The following ATP9B variants were observed in gnomAD, a reference collection of about 807,000 sequenced individuals.
ATP9B encodes the protein probable phospholipid-transporting ATPase IIB.
Under a neutral mutation model 146.1 loss-of-function variants are expected in ATP9B, and 110 were observed. The observed-to-expected ratio is 0.75, with a 90% CI of 0.65 to 0.88. The LOEUF (loss-of-function observed/expected upper bound fraction) is 0.88. ATP9B is among the 40% of genes least tolerant of loss of function. The pLI is 0.00. For missense variants in ATP9B, 1,499 were observed against 1,496.4 expected, an observed-to-expected ratio of 1.00 and a Z score of -0.03; for synonymous variants, 604 against 569.7, an observed-to-expected ratio of 1.06 and a Z score of -0.86.
chr18:79,112,194 C>T (rs752102036), intron 3 of ATP9B, among the ~76,000 whole-genome samples: 1 of 152,106 alleles, frequency 6.6e-6, no homozygotes, highest in Non-Finnish European at 1.5e-5. Flanking sequence ...AACCCATTGC[C>T]CTGCTTGGTG....
At chr18:79,291,648 G>C (rs1295354245) in intron 13 of ATP9B, among the ~76,000 whole-genome samples, 2 of 152,204 alleles carry the variant, frequency 1.3e-5, no homozygotes, top group Non-Finnish European at 1.5e-5. Flanking sequence ...TATTCACATG[G>C]ACAGAATAAC....
chr18:79,172,440 CGTAG>C (rs1414155853), intron 7 of ATP9B, among the ~76,000 whole-genome samples: 15 of 72,476 alleles, frequency 2.1e-4, no homozygotes, highest in African/African-American at 1.6e-3. Context: ...TGATTACAGG[CGTAG>C]CCACCGTGCC....
At chr18:79,187,290 G>A (rs1368544876) in intron 8 of ATP9B, among the ~76,000 whole-genome samples, 2 of 152,196 alleles carry the variant, frequency 1.3e-5, no homozygotes, top group Non-Finnish European at 2.9e-5. Flanking sequence ...AGTAGCCCAG[G>A]TGGGTGGTCA....
At chr18:79,251,031 T>C (rs2096017634) in intron 11 of ATP9B, among the ~76,000 whole-genome samples, 1 of 152,256 alleles carries the variant, frequency 6.6e-6, no homozygotes, top group African/African-American at 2.4e-5. Flanking sequence ...TCTGTGTTGC[T>C]GTATTGCAAC....
intron 26 of ATP9B, among the ~76,000 whole-genome samples, chr18:79,370,820 C>G (rs1013609980): frequency 2.6e-5 from 4 of 152,170 alleles, no homozygotes; most frequent in Non-Finnish European, 5.9e-5. Context: ...AATCATTGAC[C>G]TACATGAATA....
intron 25 of ATP9B, 74 bp downstream of exon 25, chr18:79,348,270 CAAAAA>C (rs2096902909): frequency 4.0e-4 from 324 of 809,454 alleles, no homozygotes; most frequent in South Asian, 2.4e-3. Context: ...AAAAAAAAAA[CAAAAA>C]ACGTATATAG....
In ATP9B at chr18:79,292,746, GTTTGT is replaced by G. The variant is rs546454521; in HGVS notation, c.1412-10834_1412-10830del. ...GTGGGTGAAAGATGTGAGGTTAGGGGTTTGTTTTGTTTTGTTTTGTTTTGTTTTTG... is the reference window on the plus strand; with the variant it reads ...GTGGGTGAAAGATGTGAGGTTAGGGGTTTGTTTTGTTTTGTTTTGTTTTTG... On this transcript the variant is annotated intron_variant, in intron 13 of 29. Coordinates refer to ENST00000426216, the MANE Select transcript of ATP9B (RefSeq NM_198531.5). Among the ~76,000 whole-genome samples, 1,023 of 152,000 alleles carry G rather than the reference GTTTGT, an allele frequency of 6.7e-3. 7 individuals are homozygous for G. Among genetic ancestry groups the G allele is most frequent in the African/African-American group, 0.023 (946 of 41,444 alleles).
intron 1 of ATP9B, among the ~76,000 whole-genome samples, chr18:79,070,309 A>AT (rs1438246804): frequency 2.6e-5 from 4 of 152,214 alleles, no homozygotes; most frequent in African/African-American, 9.7e-5. Flanking sequence ...TTTTTGAATA[A>AT]TTTTTGTTTT....
rs565143981 is a variant in ATP9B, at chr18:79,083,245, C to T, written c.120-13231C>T. On this transcript the variant is annotated intron_variant, in intron 1 of 29. Coordinates refer to ENST00000426216, the MANE Select transcript of ATP9B (RefSeq NM_198531.5). ...CTACTCAAGCCACAGTAATGGCAGA[C>T]GCCCCTTGCCCCACCAAGCTTGGGC... 4.6e-5 allele frequency among the ~76,000 whole-genome samples: 7 copies of T among 152,330 alleles called. No individual in the cohort carries two copies. The South Asian group carries it at 8.3e-4, about 18-fold the overall frequency.
At chr18:79,296,463 G>A (rs951214777) in intron 13 of ATP9B, among the ~76,000 whole-genome samples, 9 of 152,162 alleles carry the variant, frequency 5.9e-5, no homozygotes, top group Admixed American at 5.9e-4. Flanking sequence ...AGAATCCTAC[G>A]CTAGCTGCAC....
At chr18:79,203,575 A>G (rs73971514) in intron 9 of ATP9B, among the ~76,000 whole-genome samples, 2 of 152,194 alleles carry the variant, frequency 1.3e-5, no homozygotes, top group African/African-American at 2.4e-5. Context: ...TTCATTGCCT[A>G]TTCTGTGCTA....
intron 1 of ATP9B, among the ~76,000 whole-genome samples, chr18:79,071,849 T>C (rs1599288057): frequency 6.6e-6 from 1 of 151,922 alleles, no homozygotes; most frequent in East Asian, 1.9e-4. Context: ...AATTATGATG[T>C]GTCTTATCAT....
intron 13 of ATP9B, among the ~76,000 whole-genome samples, chr18:79,287,949 A>C (rs1194105421): frequency 6.6e-6 from 1 of 151,266 alleles, no homozygotes; most frequent in Non-Finnish European, 1.5e-5. Flanking sequence ...CTTAATCCTG[A>C]GTTCTAGTTT....
chr18:79,109,822 T>A (rs1369376091), intron 2 of ATP9B, among the ~76,000 whole-genome samples: 1 of 152,146 alleles, frequency 6.6e-6, no homozygotes, highest in East Asian at 1.9e-4. Flanking sequence ...TGCCTCGGCC[T>A]CCCAAAGTGC....
intron 13 of ATP9B, among the ~76,000 whole-genome samples, chr18:79,303,227 TGTC>T (rs2096602930): frequency 6.6e-6 from 1 of 152,114 alleles, no homozygotes; most frequent in Non-Finnish European, 1.5e-5. Flanking sequence ...CTGGGTGTGT[TGTC>T]GTGCGCCTGT....
chr18:79,375,347 T>A, intron 28 of ATP9B, 47 bp from the exon 29 acceptor site: 1 of 1,506,912 alleles, frequency 6.6e-7, no homozygotes, highest in Non-Finnish European at 9.1e-7. Flanking sequence ...TATCCTGGTA[T>A]CTCCTTTAAT....
At chr18:79,085,108 T>C (rs1000312159) in intron 1 of ATP9B, 1 of 152,022 alleles carries the variant, frequency 6.6e-6, no homozygotes, top group African/African-American at 2.4e-5. Context: ...TACACAATCA[T>C]GGTGGAAGGT....
chr18:79,317,523 T>A (rs938131178), intron 15 of ATP9B, among the ~76,000 whole-genome samples: 4 of 152,092 alleles, frequency 2.6e-5, no homozygotes, highest in African/African-American at 9.7e-5. Flanking sequence ...GAGATATGAA[T>A]ATTGACTGTA....
chr18:79,169,131 A>G (rs933189939), intron 7 of ATP9B, among the ~76,000 whole-genome samples: 6 of 151,970 alleles, frequency 3.9e-5, no homozygotes, highest in Non-Finnish European at 1.5e-5. Flanking sequence ...GCATTTTTCT[A>G]TGACGGGTCC....
Sources: gnomAD v4.1 joint callset for allele counts (sites outside exome capture counted in the v4.1 genomes callset) on GRCh38, gnomAD v4.1.1 for gene constraint, MANE v1.5 for transcripts, NCBI Gene and HGNC (gene_info 2026-07-23, HGNC 2026-07-21) for gene names.